Variants in RBFOX1 observed in about 807,000 individuals in gnomAD.
RBFOX1 encodes RNA binding fox-1 homolog 1, also known as RNA binding protein fox-1 homolog 1.
RBFOX1 carries 8 observed loss-of-function variants against 57.7 expected under a neutral mutation model. The ratio of observed to expected loss-of-function variants is 0.14; its 90% CI spans 0.08 to 0.25. RBFOX1 has a LOEUF of 0.25. Among genes scored for constraint, RBFOX1 ranks in the 10% least tolerant of loss-of-function variants. The probability of loss-of-function intolerance (pLI) is 1.00; values close to 1 mark genes in which losing one functional copy is unlikely to be tolerated. For missense variants in RBFOX1, 611 were observed against 548.5 expected (o/e 1.11, Z -1.14); for synonymous variants, 326 against 222.4 (o/e 1.47, Z -4.15).
intron 3 of RBFOX1, among the ~76,000 whole-genome samples, chr16:6,680,554 C>T (rs566749897): frequency 6.6e-5 from 10 of 152,240 alleles, no homozygotes; most frequent in South Asian, 2.1e-4. Flanking sequence ...TAAGCCACCG[C>T]GTCCGGCCCT....
At chr16:5,506,815 C>A (rs2043395602) in intron 2 of RBFOX1, among the ~76,000 whole-genome samples, 1 of 152,084 alleles carries the variant, frequency 6.6e-6, no homozygotes, top group Non-Finnish European at 1.5e-5. Context: ...TCAGGAGCTT[C>A]CACCTTGGGA....
chr16:5,595,571 G>A lies in RBFOX1; in HGVS notation c.259-3331G>A, dbSNP rs13330062. On this transcript the variant is annotated intron_variant, in intron 2 of 2. Transcript: ENST00000585867. The stretch of plus-strand genomic sequence containing the variant: ...GTTGCAGATCAGATCTTCTCTGTAC[G>A]CCTCAAGAATTTTCATCTGAATGGA... Among the ~76,000 whole-genome samples, 278 of 152,190 alleles carry A rather than the reference G, an allele frequency of 1.8e-3. 1 individual carries two copies. The highest frequency in any genetic ancestry group is 6.5e-3 in the African/African-American group (270 of 41,518).
At chr16:7,024,948 G>C (rs1339378880) in intron 3 of RBFOX1, among the ~76,000 whole-genome samples, 1 of 152,092 alleles carries the variant, frequency 6.6e-6, no homozygotes, top group Non-Finnish European at 1.5e-5. Flanking sequence ...GAGAGGAACA[G>C]GACATTCACA....
chr16:5,588,917 G>A (rs561131410), intron 2 of RBFOX1, among the ~76,000 whole-genome samples: 20 of 152,310 alleles, frequency 1.3e-4, no homozygotes, highest in African/African-American at 4.8e-4. Context: ...ATGCACAGGT[G>A]AGAATACAGG....
At chr16:7,514,725 C>G (rs145285302) in intron 4 of RBFOX1, among the ~76,000 whole-genome samples, 5 of 152,260 alleles carry the variant, frequency 3.3e-5, no homozygotes, top group Middle Eastern at 3.4e-3. Flanking sequence ...GAGGATGGAG[C>G]TCTTCTCCCT....
At chr16:6,088,868 G>A (rs1258226264) in intron 1 of RBFOX1, among the ~76,000 whole-genome samples, 1 of 151,946 alleles carries the variant, frequency 6.6e-6, no homozygotes, top group African/African-American at 2.4e-5. Context: ...AGACCAAGGC[G>A]GGCATATCAG....
intron 3 of RBFOX1, among the ~76,000 whole-genome samples, chr16:6,757,011 CAAAA>C (rs752583581): frequency 0.023 from 2,781 of 121,898 alleles, 38 homozygotes; most frequent in Middle Eastern, 0.031. Context: ...AACAAACAAA[CAAAA>C]AACATACAAA....
intron 4 of RBFOX1, among the ~76,000 whole-genome samples, chr16:5,986,005 C>T (rs952455710): frequency 9.9e-5 from 15 of 151,854 alleles, no homozygotes; most frequent in African/African-American, 3.1e-4. Flanking sequence ...GAAACAATAG[C>T]ACTTTTTTGG....
chr16:5,683,717 C>T (rs1259095942), intron 3 of RBFOX1, among the ~76,000 whole-genome samples: 1 of 150,594 alleles, frequency 6.6e-6, no homozygotes, highest in African/African-American at 2.4e-5. Context: ...TAAGTTAATA[C>T]TTAATAAAGT....
chr16:6,791,565 C>G (rs905640753), intron 3 of RBFOX1, among the ~76,000 whole-genome samples: 1 of 152,162 alleles, frequency 6.6e-6, no homozygotes, highest in Non-Finnish European at 1.5e-5. Flanking sequence ...TCGAAACCAA[C>G]CTGGCCAACA....
chr16:7,476,141 G>T (rs939246051), intron 4 of RBFOX1, among the ~76,000 whole-genome samples: 22 of 151,958 alleles, frequency 1.4e-4, no homozygotes, highest in African/African-American at 5.3e-4. Flanking sequence ...AATTTTTGTA[G>T]TTTTTGTAGA....
At chr16:6,023,676 C>A (rs1305931099) in intron 1 of RBFOX1, among the ~76,000 whole-genome samples, 1 of 152,186 alleles carries the variant, frequency 6.6e-6, no homozygotes, top group African/African-American at 2.4e-5. Context: ...GCTCGTCCTG[C>A]CTTTGCCACC....
chr16:7,394,356 C>G (rs531199536), intron 4 of RBFOX1, among the ~76,000 whole-genome samples: 3 of 148,890 alleles, frequency 2.0e-5, no homozygotes, highest in Non-Finnish European at 4.4e-5. Flanking sequence ...CTTGTATTTT[C>G]TGAGTAGTTC....
At chr16:7,097,402 A>G (rs12600284) in intron 4 of RBFOX1, among the ~76,000 whole-genome samples, 37,131 of 152,006 alleles carry the variant, frequency 0.24, 4,739 homozygotes, top group East Asian at 0.43. Context: ...CCAGTATCAA[A>G]GATCCCCATC....
At chr16:7,540,255 G>C (rs188210044) in intron 5 of RBFOX1, among the ~76,000 whole-genome samples, 1 of 152,006 alleles carries the variant, frequency 6.6e-6, no homozygotes, top group Non-Finnish European at 1.5e-5. Context: ...TGTTTCCCTC[G>C]CTGGAAACTC....
intron 3 of RBFOX1, among the ~76,000 whole-genome samples, chr16:5,834,615 T>C (rs989413391): frequency 1.3e-5 from 2 of 151,988 alleles, no homozygotes; most frequent in African/African-American, 2.4e-5. Context: ...GATAGATAGA[T>C]AGATAGATTG....
chr16:5,816,047 C>G (rs1166092676), intron 3 of RBFOX1, among the ~76,000 whole-genome samples: 1 of 152,212 alleles, frequency 6.6e-6, no homozygotes, highest in Non-Finnish European at 1.5e-5. Context: ...GCAGCTCTGG[C>G]TAGGGCTGAT....
At chr16:6,811,910 A>T (rs990977760) in intron 3 of RBFOX1, among the ~76,000 whole-genome samples, 4 of 152,178 alleles carry the variant, frequency 2.6e-5, no homozygotes, top group Non-Finnish European at 5.9e-5. Context: ...TAAATAAAAT[A>T]CAAAATATAA....
chr16:7,452,036 C>T (rs1598754041), intron 4 of RBFOX1, among the ~76,000 whole-genome samples: 1 of 152,092 alleles, frequency 6.6e-6, no homozygotes, highest in Non-Finnish European at 1.5e-5. Flanking sequence ...ATGACCAAAG[C>T]AATATCATTC....
Sources: gnomAD v4.1 joint callset for allele counts (sites outside exome capture counted in the v4.1 genomes callset) on GRCh38, gnomAD v4.1.1 for gene constraint, MANE v1.5 for transcripts, NCBI Gene and HGNC (gene_info 2026-07-23, HGNC 2026-07-21) for gene names.